The following PEPD variants were observed in gnomAD, a reference collection of about 807,000 sequenced individuals.
The protein encoded by PEPD is xaa-Pro dipeptidase.
In PEPD, 53 loss-of-function variants were observed where a neutral mutation model predicts 60.7. The ratio of observed to expected loss-of-function variants is 0.87; its 90% confidence interval spans 0.70 to 1.10. The LOEUF (loss-of-function observed/expected upper bound fraction) is 1.10. Among genes scored for constraint, PEPD ranks in the 50% least tolerant of loss-of-function variants. PEPD has a pLI of 0.00. For missense variants in PEPD, 711 were observed against 711.9 expected, an observed-to-expected ratio of 1.00 and a Z score of 0.01; for synonymous variants, 267 against 284.1, an observed-to-expected ratio of 0.94 and a Z score of 0.60.
chr19:33,458,374 GGT>G (rs1308416301), intron 9 of PEPD, among the ~76,000 whole-genome samples: 3 of 151,272 alleles, frequency 2.0e-5, no homozygotes, highest in Non-Finnish European at 1.5e-5. Flanking sequence ...GTGGTATGTA[GGT>G]GTGTGTGGCA....
rs200450538 is a variant in PEPD at position 33,411,733 on chromosome 19, C to A, written c.757G>T (p.Val253Leu). 6.2e-7 allele frequency: 1 copy of A among 1,607,610 alleles called. No individual in the cohort carries two copies. Among genetic ancestry groups the A allele is most frequent in the Non-Finnish European group, 8.5e-7 (1 of 1,174,536 alleles). Residue 253 changes from valine to leucine, a missense_variant, in exon 11 of 15, where the codon GTG (valine) becomes TTG (leucine). Coordinates refer to ENST00000244137, the MANE Select transcript of PEPD (RefSeq NM_000285.4). ...CICGSGENSA[V>L]LHYGHAGAPN... ...GCTCCGGCGTGTCCGTAGTGTAGCA[C>A]GGCTGAGTTCTCACCACTGCAAAGA...
chr19:33,452,184 T>TA (rs548611471), intron 9 of PEPD, among the ~76,000 whole-genome samples: 133 of 152,218 alleles, frequency 8.7e-4, no homozygotes, highest in Admixed American at 6.7e-3. Flanking sequence ...AACTAGCAGC[T>TA]AAAAACCAAA....
intron 7 of PEPD, among the ~76,000 whole-genome samples, chr19:33,470,644 C>G (rs12459381): frequency 1.3e-5 from 2 of 151,912 alleles, no homozygotes; most frequent in African/African-American, 4.8e-5. Context: ...GACAGGGTCC[C>G]AGCACCGGCA....
intron 4 of PEPD, among the ~76,000 whole-genome samples, chr19:33,495,987 CAAAAAACAAA>C (rs139847221): frequency 0.092 from 13,895 of 151,490 alleles, 653 homozygotes; most frequent in Middle Eastern, 0.14. Context: ...GTATCAAAAA[CAAAAAACAAA>C]AAAAAACACC....
In PEPD at chr19:33,411,511, C is replaced by A. The variant is rs1231506426; in HGVS notation, c.818+161G>T. ...GGCCCTGGAGAAGGCACCACGCAGGCCGATAGCCTTGGCAGAGAAGTCTGG... is the reference window on the plus strand; with the variant it reads ...GGCCCTGGAGAAGGCACCACGCAGGACGATAGCCTTGGCAGAGAAGTCTGG... On this transcript the variant is annotated intron_variant, in intron 11 of 14. Transcript: ENST00000244137. Among the ~76,000 whole-genome samples, 3 of 152,278 alleles carry A rather than the reference C, an allele frequency of 2.0e-5. No individual in the cohort carries two copies. In the East Asian group the frequency reaches 5.8e-4, roughly 29 times the overall value.
At chr19:33,492,972 G>C (rs774667383) in intron 5 of PEPD, among the ~76,000 whole-genome samples, 5 of 152,122 alleles carry the variant, frequency 3.3e-5, no homozygotes, top group Admixed American at 3.3e-4. Flanking sequence ...AAACTCCTGG[G>C]CTCAAGCACG....
chr19:33,419,886 G>T (rs759496871), intron 9 of PEPD, among the ~76,000 whole-genome samples: 2 of 152,094 alleles, frequency 1.3e-5, no homozygotes, highest in Non-Finnish European at 2.9e-5. Context: ...CTGAGGCCCC[G>T]CCCAGAAGGG....
Position 33,438,886 on chromosome 19 carries a change from ATTTT to A in PEPD, c.671+24105_671+24108del, listed in dbSNP as rs1224414666. Among the ~76,000 whole-genome samples, 3 of 152,224 alleles carry A rather than the reference ATTTT, an allele frequency of 2.0e-5. No individual in the cohort carries two copies. The East Asian group carries it at 5.8e-4, about 29-fold the overall frequency. On this transcript the variant is annotated intron_variant, in intron 9 of 14. Transcript: ENST00000244137. ...AGGCACGCACCACCATGCCCAGTTA[ATTTT>A]TGTATTTTTAGTAGAGATGGGGTTT...
At chr19:33,411,134 C>T (rs187481858) in intron 11 of PEPD, among the ~76,000 whole-genome samples, 15 of 152,310 alleles carry the variant, frequency 9.8e-5, no homozygotes, top group East Asian at 3.9e-4. Flanking sequence ...ACTGTGAGCA[C>T]GGCACATCGT....
chr19:33,409,614 G>A lies in PEPD; in HGVS notation c.818+2058C>T, dbSNP rs369424112. 6.8e-4 allele frequency among the ~76,000 whole-genome samples: 104 copies of A among 152,318 alleles called. 1 individual carries two copies. The South Asian group carries it at 0.021, about 31-fold the overall frequency. On this transcript the variant is annotated intron_variant, in intron 11 of 14. Transcript: ENST00000244137. ...CTCTTAAGCCTAGGAGTTTGAGGCT[G>A]CAGTGAGCTATGATTGTGCCACTGC...
chr19:33,434,520 C>A (rs1969337774), intron 9 of PEPD, among the ~76,000 whole-genome samples: 1 of 152,072 alleles, frequency 6.6e-6, no homozygotes, highest in African/African-American at 2.4e-5. Flanking sequence ...GGCTACTGGG[C>A]ATTCCTCCAC....
chr19:33,480,840 G>GTGTGTACA (rs151181225), intron 6 of PEPD, among the ~76,000 whole-genome samples: 2 of 150,856 alleles, frequency 1.3e-5, no homozygotes, highest in African/African-American at 2.4e-5. Context: ...GTGTGTGTGT[G>GTGTGTACA]TATATCAAAA....
At chr19:33,432,870 G>C (rs144787258) in intron 9 of PEPD, among the ~76,000 whole-genome samples, 2,054 of 152,348 alleles carry the variant, frequency 0.013, 22 homozygotes, top group Middle Eastern at 0.037. Flanking sequence ...AGCCTGGATG[G>C]AGATGGTGGC....
intron 1 of PEPD, among the ~76,000 whole-genome samples, chr19:33,513,059 C>A (rs1387872075): frequency 6.6e-6 from 1 of 151,890 alleles, no homozygotes; most frequent in East Asian, 1.9e-4. Context: ...CACAGTGACC[C>A]CACGCTCCCG....
In PEPD at chr19:33,464,294, C is replaced by G. The variant is rs117512467; in HGVS notation, c.549-232G>C. ...GCCCACCTTCCCTAACACCAGCCAG[C>G]GGGCAGACTGTTTCCAGGGATAAGA... is the stretch of plus-strand genomic sequence containing the variant. On this transcript the variant is annotated intron_variant, in intron 7 of 14. Transcript: ENST00000244137. 0.032 allele frequency among the ~76,000 whole-genome samples: 4,924 copies of G among 152,326 alleles called. 272 individuals carry two copies. Among genetic ancestry groups the G allele is most frequent in the Admixed American group, 0.15 (2,273 of 15,310 alleles).
At chr19:33,507,971 C>T (rs1306901288) in intron 3 of PEPD, among the ~76,000 whole-genome samples, 2 of 152,092 alleles carry the variant, frequency 1.3e-5, no homozygotes, top group African/African-American at 4.8e-5. Flanking sequence ...CCCCTCGGGA[C>T]CAAGGCTGCC....
At chr19:33,447,240 T>C (rs1211116992) in intron 9 of PEPD, among the ~76,000 whole-genome samples, 1 of 152,170 alleles carries the variant, frequency 6.6e-6, no homozygotes, top group Non-Finnish European at 1.5e-5. Flanking sequence ...GGCACACTCA[T>C]GGAGGGTGGC....
chr19:33,452,492 A>G (rs1413945024), intron 9 of PEPD, among the ~76,000 whole-genome samples: 1 of 152,206 alleles, frequency 6.6e-6, no homozygotes, highest in East Asian at 1.9e-4. Flanking sequence ...GAACTGAAAA[A>G]TAAATTTAAG....
At chr19:33,458,722 G>A (rs1969867450) in intron 9 of PEPD, among the ~76,000 whole-genome samples, 1 of 139,756 alleles carries the variant, frequency 7.2e-6, no homozygotes, top group South Asian at 2.5e-4. Context: ...ATGTGTATGT[G>A]CTATGCAGCA....
Sources: gnomAD v4.1 joint callset for allele counts (sites outside exome capture counted in the v4.1 genomes callset) on GRCh38, gnomAD v4.1.1 for gene constraint, MANE v1.5 for transcripts, NCBI Gene and HGNC (gene_info 2026-07-23, HGNC 2026-07-21) for gene names.